The following JMJD1C variants were observed in gnomAD, a reference collection of about 807,000 sequenced individuals.
JMJD1C encodes the protein jumonji domain-containing protein 1C.
A neutral mutation model predicts 245.3 loss-of-function variants in JMJD1C; 31 were observed. The observed-to-expected ratio is 0.13, with a 90% CI of 0.09 to 0.17. The LOEUF is 0.17. Ranked by LOEUF, JMJD1C falls within the 10% of genes least tolerant of loss-of-function variation. The pLI, the probability that JMJD1C is intolerant of heterozygous loss-of-function variation, is 1.00. For synonymous variants in JMJD1C, 1,057 were observed against 1,017.4 expected (o/e 1.04, Z -0.74); for missense variants, 2,691 against 3,000.2 (o/e 0.90, Z 2.41).
Position 63,456,945 on chromosome 10 carries a change from C to CAAGAAA in JMJD1C, c.168+8549_168+8550insTTTCTT, listed in dbSNP as rs1952451949. 2.0e-5 allele frequency among the ~76,000 whole-genome samples: 3 copies of CAAGAAA among 152,098 alleles called. 1 individual carries two copies. The South Asian group carries it at 6.2e-4, about 32-fold the overall frequency. ...AGGGATTAGTAAGATAAAAACTTCT[C>CAAGAAA]AAAATACTACTAAGACATTATTTGC... On this transcript the variant is annotated intron_variant, in intron 1 of 25. Coordinates refer to ENST00000399262, the MANE Select transcript of JMJD1C (RefSeq NM_032776.3).
At position 63,170,898 on chromosome 10, in the gene JMJD1C, T is replaced by C. The variant is rs978462563; in HGVS notation, c.7402-2332A>G. ...ATATTTCACTTCCTTGACATTGTCT[T>C]ATTCATACTTGCCTAAAAGCATCAG... On this transcript the variant is annotated intron_variant, in intron 24 of 25. Coordinates refer to ENST00000399262, the MANE Select transcript of JMJD1C (RefSeq NM_032776.3). Among the ~76,000 whole-genome samples, 10 of 152,350 alleles carry C rather than the reference T, an allele frequency of 6.6e-5. No individual in the cohort carries two copies. The East Asian group carries it at 1.2e-3, about 18-fold the overall frequency.
intron 1 of JMJD1C, among the ~76,000 whole-genome samples, chr10:63,506,961 C>A (rs1204826647): frequency 6.6e-6 from 1 of 152,162 alleles, no homozygotes; most frequent in African/African-American, 2.4e-5. Context: ...AATGGCTAAT[C>A]TTTTTACAGT....
At chr10:63,253,150 TG>T (rs1853339713) in intron 3 of JMJD1C, among the ~76,000 whole-genome samples, 1 of 152,152 alleles carries the variant, frequency 6.6e-6, no homozygotes, top group Non-Finnish European at 1.5e-5. Flanking sequence ...GGTAGAAAAG[TG>T]GGGGGAAAAA....
At chr10:63,508,046 G>C (rs1434919429) in intron 1 of JMJD1C, among the ~76,000 whole-genome samples, 2 of 151,304 alleles carry the variant, frequency 1.3e-5, no homozygotes, top group Non-Finnish European at 2.9e-5. Flanking sequence ...TCTTCACAGT[G>C]TCTTTTGCAG....
At chr10:63,368,108 T>G (rs1946006049) in intron 2 of JMJD1C, among the ~76,000 whole-genome samples, 1 of 152,186 alleles carries the variant, frequency 6.6e-6, no homozygotes, top group Admixed American at 6.5e-5. Flanking sequence ...AACAGTCCTG[T>G]GTGGAGCACA....
chr10:63,498,092 T>G (rs1012563972), intron 1 of JMJD1C, among the ~76,000 whole-genome samples: 3 of 152,160 alleles, frequency 2.0e-5, no homozygotes, highest in Non-Finnish European at 4.4e-5. Context: ...GAGCATATAC[T>G]ACAGCAATGA....
At position 63,301,518 on chromosome 10, in the gene JMJD1C, T is replaced by C. The variant is rs150772321; in HGVS notation, c.334-36754A>G. On this transcript the variant is annotated intron_variant, in intron 2 of 25. Transcript: ENST00000399262. Reference sequence around the variant, plus strand: ...GCACACTTAAGATATAGTTCACAAATAAAACAAATGGCTAATCATTCTCAG... The same window carrying C: ...GCACACTTAAGATATAGTTCACAAACAAAACAAATGGCTAATCATTCTCAG... Among the ~76,000 whole-genome samples, 1,006 of 152,232 alleles carry C rather than the reference T, an allele frequency of 6.6e-3. 12 individuals carry two copies. The highest frequency in any genetic ancestry group is 0.023 in the African/African-American group (937 of 41,534).
intron 1 of JMJD1C, among the ~76,000 whole-genome samples, chr10:63,500,870 T>C (rs1438335310): frequency 1.3e-5 from 2 of 152,226 alleles, no homozygotes; most frequent in Non-Finnish European, 2.9e-5. Flanking sequence ...GATAGATAAA[T>C]GTATGTTTAA....
chr10:63,424,497 C>CTTTTT lies in JMJD1C; in HGVS notation c.168+40993_168+40997dup, dbSNP rs59823871. The stretch of plus-strand genomic sequence containing the variant: ...ACTTACACAAAAACCATTATTATTT[C>CTTTTT]TTTTTTTTTTTTTTTTTTTTTCTTT... On this transcript the variant is annotated intron_variant, in intron 1 of 25. Coordinates refer to ENST00000399262, the MANE Select transcript of JMJD1C (RefSeq NM_032776.3). Among the ~76,000 whole-genome samples the CTTTTT allele has an allele frequency of 3.0e-3, 305 of 103,386 alleles. 3 individuals are homozygous for CTTTTT. The highest frequency in any genetic ancestry group is 5.7e-3 in the Admixed American group (43 of 7,538). 67.8% of individuals were successfully genotyped at this position (103,386 alleles called of 152,430 possible).
intron 2 of JMJD1C, among the ~76,000 whole-genome samples, chr10:63,269,656 C>T (rs1856043813): frequency 6.6e-6 from 1 of 151,944 alleles, no homozygotes; most frequent in African/African-American, 2.4e-5. Context: ...TATTTTTAGA[C>T]AATGATCTCA....
At chr10:63,457,564 T>C (rs1347134710) in intron 1 of JMJD1C, among the ~76,000 whole-genome samples, 1 of 151,720 alleles carries the variant, frequency 6.6e-6, no homozygotes, top group Non-Finnish European at 1.5e-5. Flanking sequence ...GAATTTGAAA[T>C]ACCAAATTAA....
At chr10:63,299,975 T>C (rs757943579) in intron 2 of JMJD1C, among the ~76,000 whole-genome samples, 7 of 152,170 alleles carry the variant, frequency 4.6e-5, no homozygotes, top group Admixed American at 1.3e-4. Flanking sequence ...CAAATAAGAC[T>C]GTAGGATAAA....
At chr10:63,264,425 G>A (rs1855268826) in intron 3 of JMJD1C, among the ~76,000 whole-genome samples, 1 of 151,974 alleles carries the variant, frequency 6.6e-6, no homozygotes. Context: ...TGTATTCCTT[G>A]CAACAGAACA....
intron 2 of JMJD1C, among the ~76,000 whole-genome samples, chr10:63,286,556 C>T (rs1193428630): frequency 6.6e-6 from 1 of 152,170 alleles, no homozygotes; most frequent in African/African-American, 2.4e-5. Flanking sequence ...AACCACAGGA[C>T]CTTTAAATAA....
At chr10:63,246,945 A>G (rs1852285431) in intron 3 of JMJD1C, among the ~76,000 whole-genome samples, 1 of 152,026 alleles carries the variant, frequency 6.6e-6, no homozygotes, top group Non-Finnish European at 1.5e-5. Context: ...AAGCGATACT[A>G]AGAGGAAAGT....
intron 2 of JMJD1C, chr10:63,268,980 A>G: frequency 2.0e-6 from 2 of 985,482 alleles, no homozygotes; most frequent in South Asian, 4.7e-5. Flanking sequence ...GAGGATTACA[A>G]CTCGCTCTTT....
At chr10:63,399,367 G>A (rs1215911182) in intron 1 of JMJD1C, among the ~76,000 whole-genome samples, 5 of 151,996 alleles carry the variant, frequency 3.3e-5, no homozygotes, top group African/African-American at 9.7e-5. Context: ...ACTTTTCTGC[G>A]GGAAACAGTG....
chr10:63,207,949 A>G lies in JMJD1C; in HGVS notation c.3720T>C (p.Ala1240=), dbSNP rs374157558. Residue 1240 remains alanine, a synonymous_variant, in exon 10 of 26, where the codon GCT becomes GCC. Coordinates refer to ENST00000399262, the MANE Select transcript of JMJD1C (RefSeq NM_032776.3). ...PTLTPVMPVN[A]GGKVQESQKP... ...TCTGTGATTCTTGAACTTTACCACC[A>G]GCATTTACTGGCATCACCGGAGTTA... The G allele has an allele frequency of 1.9e-6, 3 of 1,614,028 alleles. No homozygotes were observed. The highest frequency in any genetic ancestry group is 2.7e-5 in the African/African-American group (2 of 74,924).
At chr10:63,222,509 T>C (rs2133302765) in intron 3 of JMJD1C, 1 of 1,214,344 alleles carries the variant, frequency 8.2e-7, no homozygotes, top group Non-Finnish European at 1.2e-6. Flanking sequence ...TGATTTTGAC[T>C]GACTGCACTT....
Sources: gnomAD v4.1 joint callset for allele counts (sites outside exome capture counted in the v4.1 genomes callset) on GRCh38, gnomAD v4.1.1 for gene constraint, MANE v1.5 for transcripts, NCBI Gene and HGNC (gene_info 2026-07-23, HGNC 2026-07-21) for gene names.